The following VCPIP1 variants were observed in gnomAD, a reference collection of about 807,000 sequenced individuals.
The protein encoded by VCPIP1 is valosin containing protein interacting protein 1.
Under a neutral mutation model 85.0 loss-of-function variants are expected in VCPIP1, and 8 were observed. That is an observed-to-expected ratio of 0.09 (90% CI 0.06 to 0.17). The LOEUF is 0.17. Among genes scored for constraint, VCPIP1 ranks in the 10% least tolerant of loss-of-function variants. The probability of loss-of-function intolerance (pLI) is 1.00; values close to 1 mark genes in which losing one functional copy is unlikely to be tolerated. For synonymous variants in VCPIP1, 543 were observed against 544.5 expected (o/e 1.00, Z 0.04); for missense variants, 1,070 against 1,486.3 (o/e 0.72, Z 4.61).
At chr8:66,654,806 T>C (rs192149491) in intron 1 of VCPIP1, among the ~76,000 whole-genome samples, 10 of 152,252 alleles carry the variant, frequency 6.6e-5, no homozygotes, top group South Asian at 6.2e-4. Context: ...TTATCCCCCA[T>C]AAATCCCTCC....
In VCPIP1 at chr8:66,666,878, C is replaced by A; in HGVS notation, c.81G>T (p.Leu27Phe). ...PPEAPQTPSS[L>F]ASAAASGGLL... is the part of the protein sequence containing the mutation. ...GCCCCCCCGAAGCAGCCGCCGACGC[C>A]AAGGACGACGGAGTCTGTGGAGCCT... Residue 27 changes from leucine (L) to phenylalanine (F), a missense_variant, in exon 1 of 3, where the codon TTG becomes TTT. Physicochemically the swap from Leu to Phe is conservative, Grantham distance 22. Transcript: ENST00000310421. This position sits in a 1 kb window ranked among gnomAD's most constrained non-coding sequence, Gnocchi z 6.3. 1 of 1,612,878 alleles carries A rather than the reference C, an allele frequency of 6.2e-7. No individual in the cohort carries two copies. The highest frequency in any genetic ancestry group is 8.5e-7 in the Non-Finnish European group (1 of 1,179,880).
chr8:66,652,180 G>C (rs992427722), intron 1 of VCPIP1, among the ~76,000 whole-genome samples: 11 of 152,214 alleles, frequency 7.2e-5, no homozygotes, highest in Middle Eastern at 6.8e-3. Flanking sequence ...GACAAAGTGA[G>C]ATCCTGTTTC....
chr8:66,654,497 TC>T (rs1356690068), intron 1 of VCPIP1, among the ~76,000 whole-genome samples: 1 of 152,184 alleles, frequency 6.6e-6, no homozygotes, highest in East Asian at 1.9e-4. Flanking sequence ...AAGTTGTGTT[TC>T]GGCAAATTTG....
chr8:66,658,548 G>A (rs1811122577), intron 1 of VCPIP1, among the ~76,000 whole-genome samples: 1 of 151,848 alleles, frequency 6.6e-6, no homozygotes, highest in Non-Finnish European at 1.5e-5. Context: ...GAGTGCAATG[G>A]CATGATCTTG....
At position 66,667,130 on chromosome 8, in the gene VCPIP1, C is replaced by T. The variant is rs1328483969; in HGVS notation, c.-172G>A. 22 of 1,364,920 alleles carry T rather than the reference C, an allele frequency of 1.6e-5. No individual in the cohort carries two copies. The highest frequency in any genetic ancestry group is 9.3e-5 in the Admixed American group (3 of 32,384). The allele number at this position is 1,364,920 out of a possible 1,614,324, so 84.6% of individuals were successfully genotyped here. On this transcript the variant is annotated 5_prime_UTR_variant, in exon 1 of 3. Coordinates refer to ENST00000310421, the MANE Select transcript of VCPIP1 (RefSeq NM_025054.5). ...GGCGGAAGCGCCGGACGTTGTTTCT[C>T]TTCTTACTTCTCCACTGCCGTAGCC...
rs1810837863 is a variant in VCPIP1 at position 66,631,953 on chromosome 8, AAC to A, written c.*2546_*2547del. ...TCATCAACTTAAATTTGGTATGATT[AAC>A]TATAAAATGGATTACTGAAGAAAAA... On this transcript the variant is annotated 3_prime_UTR_variant, in exon 3 of 3. Transcript: ENST00000310421. 2.0e-5 allele frequency: 3 copies of A among 152,620 alleles called. No homozygotes were observed. The highest frequency in any genetic ancestry group is 7.2e-5 in the African/African-American group (3 of 41,566). 9.5% of individuals were successfully genotyped at this position (152,620 alleles called of 1,614,324 possible).
intron 2 of VCPIP1, among the ~76,000 whole-genome samples, chr8:66,641,045 C>A (rs1354735054): frequency 6.6e-6 from 1 of 152,162 alleles, no homozygotes; most frequent in Non-Finnish European, 1.5e-5. Context: ...GCCACAGGTA[C>A]CCCCCTAGAT....
At position 66,638,373 on chromosome 8, in the gene VCPIP1, G is replaced by A. The variant is rs544941673; in HGVS notation, c.2798-3001C>T. Among the ~76,000 whole-genome samples, 8 of 151,000 alleles carry A rather than the reference G, an allele frequency of 5.3e-5. No homozygotes were observed. In the South Asian group the frequency reaches 1.3e-3, roughly 24 times the overall value. On this transcript the variant is annotated intron_variant, in intron 2 of 2. Coordinates refer to ENST00000310421, the MANE Select transcript of VCPIP1 (RefSeq NM_025054.5). ...GTAGTGGCATATGCCTGTAGTCCCA[G>A]CAACCTGGAAGACTGAGGCAGAAGG...
chr8:66,646,741 T>C (rs756032004), intron 2 of VCPIP1, among the ~76,000 whole-genome samples: 18 of 151,530 alleles, frequency 1.2e-4, no homozygotes, highest in Non-Finnish European at 2.5e-4. Context: ...GAGGTTGCAG[T>C]GACCCAAGAT....
rs1230250017 is a variant in VCPIP1, at chr8:66,664,471, G to T, written c.2488C>A (p.Gln830Lys). ...GFPPKELMPP[Q>K]AGMEKEPVPL... ...ACTGGTTCCTTTTCCATTCCTGCCT[G>T]TGGTGGCATTAACTCTTTAGGAGGA... Residue 830 changes from glutamine (Q) to lysine (K), a missense_variant, in exon 1 of 3, where the codon CAG becomes AAG. Transcript: ENST00000310421. 1 of 1,613,852 alleles carries T rather than the reference G, an allele frequency of 6.2e-7. No individual in the cohort carries two copies. Among genetic ancestry groups the T allele is most frequent in the East Asian group, 2.2e-5 (1 of 44,904 alleles).
In VCPIP1 at chr8:66,665,366, T is replaced by C. The variant is rs201674919; in HGVS notation, c.1593A>G (p.Gly531=). The C allele has an allele frequency of 6.2e-7, 1 of 1,614,062 alleles. No individual in the cohort carries two copies. The highest frequency in any genetic ancestry group is 8.5e-7 in the Non-Finnish European group (1 of 1,180,026). The stretch of plus-strand genomic sequence containing the variant: ...AATTACAAGCTGTTAGGTTACTCAT[T>C]CCATAGTCTGGTACCAGAACATCTT... ...SVKDVLVPDY[G]MSNLTACNWC... Residue 531 remains glycine (G), a synonymous_variant, in exon 1 of 3, where the codon GGA becomes GGG. Coordinates refer to ENST00000310421, the MANE Select transcript of VCPIP1 (RefSeq NM_025054.5). The surrounding 1 kb of genome is among the most constrained non-coding windows in gnomAD (Gnocchi z 4.3).
At chr8:66,664,198 G>C (rs762227359) in intron 1 of VCPIP1, 51 bp downstream of exon 1, 1 of 1,469,154 alleles carries the variant, frequency 6.8e-7, no homozygotes. Flanking sequence ...GGAAAACTCA[G>C]TGTATTATAT....
chr8:66,638,970 C>CTCTCTCTATATATA, intron 2 of VCPIP1, among the ~76,000 whole-genome samples: 16 of 118,430 alleles, frequency 1.4e-4, no homozygotes, highest in African/African-American at 6.2e-4. Context: ...CTCTCTCTCT[C>CTCTCTCTATATATA]TATATATATA....
chr8:66,635,796 C>T (rs1810879028), intron 2 of VCPIP1, among the ~76,000 whole-genome samples: 1 of 151,336 alleles, frequency 6.6e-6, no homozygotes, highest in Non-Finnish European at 1.5e-5. Flanking sequence ...GCCTGTAATC[C>T]CAGCTACTTG....
intron 1 of VCPIP1, among the ~76,000 whole-genome samples, chr8:66,653,016 T>C (rs1811068174): frequency 6.6e-6 from 1 of 152,250 alleles, no homozygotes; most frequent in Admixed American, 6.5e-5. Flanking sequence ...CTCAGAGTTC[T>C]AATCCCACCT....
chr8:66,633,095 A>T lies in VCPIP1; in HGVS notation c.*1406T>A, dbSNP rs903996094. On this transcript the variant is annotated 3_prime_UTR_variant, in exon 3 of 3. Coordinates refer to ENST00000310421, the MANE Select transcript of VCPIP1 (RefSeq NM_025054.5). Reference sequence around the variant, plus strand: ...CTTATCTGGAAACACAAGTTAAAGTACTGTCTATATCCCTTATGAATCAAC... The same window carrying T: ...CTTATCTGGAAACACAAGTTAAAGTTCTGTCTATATCCCTTATGAATCAAC... 1.3e-5 allele frequency: 2 copies of T among 152,506 alleles called. No homozygotes were observed. The highest frequency in any genetic ancestry group is 2.9e-5 in the Non-Finnish European group (2 of 67,982). The allele number at this position is 152,506 out of a possible 1,614,324, so 9.4% of individuals were successfully genotyped here.
chr8:66,656,118 T>A (rs568251595), intron 1 of VCPIP1, among the ~76,000 whole-genome samples: 1 of 152,196 alleles, frequency 6.6e-6, no homozygotes, highest in Non-Finnish European at 1.5e-5. Flanking sequence ...TTTTTTCTAA[T>A]AAAATTATGG....
At chr8:66,643,337 A>G (rs60211635) in intron 2 of VCPIP1, among the ~76,000 whole-genome samples, 1,637 of 151,502 alleles carry the variant, frequency 0.011, 35 homozygotes, top group African/African-American at 0.036. Context: ...AGAAAAAAAA[A>G]AGATGTTAAA....
chr8:66,658,062 A>G (rs4517102), intron 1 of VCPIP1, among the ~76,000 whole-genome samples: 1 of 152,118 alleles, frequency 6.6e-6, no homozygotes, highest in Admixed American at 6.6e-5. Flanking sequence ...GCAGCCAGAC[A>G]CGGTGGCTCA....
Sources: gnomAD v4.1 joint callset for allele counts (sites outside exome capture counted in the v4.1 genomes callset) on GRCh38, gnomAD v4.1.1 for gene constraint, Gnocchi (gnomAD v3.1) non-coding constraint, MANE v1.5 for transcripts, NCBI Gene and HGNC (gene_info 2026-07-23, HGNC 2026-07-21) for gene names.